RHOJ: variants seen among roughly 807,000 people sequenced by gnomAD.
The protein encoded by RHOJ is rho-related GTP-binding protein RhoJ.
Under a neutral mutation model 23.4 loss-of-function variants are expected in RHOJ, and 11 were observed. The ratio of observed to expected loss-of-function variants is 0.47; its 90% CI spans 0.30 to 0.78. The LOEUF (loss-of-function observed/expected upper bound fraction) is 0.78, where lower values mean the gene tolerates loss of function less well. Ranked by LOEUF, RHOJ falls within the 30% of genes least tolerant of loss-of-function variation. The pLI is 0.08. For missense variants in RHOJ, 254 were observed against 273.4 expected, an observed-to-expected ratio of 0.93 and a Z score of 0.50; for synonymous variants, 102 against 102.7, an observed-to-expected ratio of 0.99 and a Z score of 0.04.
chr14:63,213,176 T>G (rs937340490), intron 1 of RHOJ, among the ~76,000 whole-genome samples: 21 of 152,360 alleles, frequency 1.4e-4, no homozygotes, highest in Middle Eastern at 3.4e-3. Flanking sequence ...TGTGCAGGTT[T>G]GTTATCTGGG....
chr14:63,205,697 A>C (rs1468278387), intron 1 of RHOJ, among the ~76,000 whole-genome samples: 1 of 152,252 alleles, frequency 6.6e-6, no homozygotes, highest in Non-Finnish European at 1.5e-5. Context: ...GAATCACTTT[A>C]AAGTATGTCC....
At chr14:63,209,842 C>T (rs1894193924) in intron 1 of RHOJ, among the ~76,000 whole-genome samples, 1 of 151,878 alleles carries the variant, frequency 6.6e-6, no homozygotes, top group African/African-American at 2.4e-5. Flanking sequence ...AATGAACATA[C>T]AAAAATGTTT....
intron 1 of RHOJ, among the ~76,000 whole-genome samples, chr14:63,260,702 G>A (rs2139648637): frequency 6.6e-6 from 1 of 152,044 alleles, no homozygotes; most frequent in East Asian, 1.9e-4. Flanking sequence ...TTTTTAAAAG[G>A]TTCCATCTTA....
chr14:63,237,989 C>A lies in RHOJ; in HGVS notation c.179-31121C>A, dbSNP rs375323775. ...TGGTCCTTCAGCTGCCAAGCATTGG[C>A]AAGCTTCAGACCATATTCACCACAC... On this transcript the variant is annotated intron_variant, in intron 1 of 4. Transcript: ENST00000316754. Among the ~76,000 whole-genome samples the A allele has an allele frequency of 3.3e-4, 51 of 152,342 alleles. No homozygotes were observed. In the South Asian group the frequency reaches 0.011, roughly 32 times the overall value.
Position 63,283,159 on chromosome 14 carries a change from G to T in RHOJ, c.441G>T (p.Leu147Phe). 6.2e-7 allele frequency: 1 copy of T among 1,614,118 alleles called. No homozygotes were observed. Among genetic ancestry groups the T allele is most frequent in the Non-Finnish European group, 8.5e-7 (1 of 1,179,982 alleles). Residue 147 changes from leucine (L) to phenylalanine (F), a missense_variant, in exon 4 of 5, where the codon TTG becomes TTT. By Grantham distance (22) the Leu-to-Phe change is conservative. Transcript: ENST00000316754. ...ATGACCCAAAAACCTTGGCCCGTTT[G>T]CTGTATATGAAAGAGAAACCTCTCA... is the stretch of plus-strand genomic sequence containing the variant. ...LRDDPKTLARLLYMKEKPLTY... is the reference protein window; with the variant it reads ...LRDDPKTLARFLYMKEKPLTY...
chr14:63,241,735 A>G (rs1165642078), intron 1 of RHOJ, among the ~76,000 whole-genome samples: 2 of 152,212 alleles, frequency 1.3e-5, no homozygotes, highest in African/African-American at 4.8e-5. Flanking sequence ...GCAAAGCCCC[A>G]TCGGCACTGG....
At position 63,292,947 on chromosome 14, in the gene RHOJ, CA is replaced by C. The variant is rs1463438099; in HGVS notation, c.*1939del. On this transcript the variant is annotated 3_prime_UTR_variant, in exon 5 of 5. Transcript: ENST00000316754. ...CCTGAGTGACAGAGAAAGAACCTGT[CA>C]AAAAAAAAAAAAAAACAACCTACAT... 2.6e-3 allele frequency: 234 copies of C among 91,464 alleles called. 1 individual carries two copies. The highest frequency in any genetic ancestry group is 5.0e-3 in the East Asian group (15 of 3,018). The allele number at this position is 91,464 out of a possible 1,614,324, so 5.7% of individuals were successfully genotyped here. A position where few individuals can be genotyped will look rare whatever the true frequency, so the allele number is the denominator to read the frequency against.
intron 1 of RHOJ, among the ~76,000 whole-genome samples, chr14:63,219,441 A>G (rs1894436154): frequency 6.6e-6 from 1 of 152,130 alleles, no homozygotes; most frequent in Non-Finnish European, 1.5e-5. Flanking sequence ...TAATCAAGAA[A>G]AATTGTTTTT....
intron 1 of RHOJ, among the ~76,000 whole-genome samples, chr14:63,239,008 A>G (rs569653825): frequency 6.6e-6 from 1 of 152,316 alleles, no homozygotes; most frequent in Non-Finnish European, 1.5e-5. Context: ...CTAGGCTGGA[A>G]AGTGGGGGCC....
At chr14:63,272,358 CA>C (rs1193359241) in intron 2 of RHOJ, among the ~76,000 whole-genome samples, 1 of 152,168 alleles carries the variant, frequency 6.6e-6, no homozygotes, top group Non-Finnish European at 1.5e-5. Flanking sequence ...TCAAAATATT[CA>C]TTTGGTCAAT....
At chr14:63,289,118 AC>A (rs1288020633) in intron 4 of RHOJ, among the ~76,000 whole-genome samples, 4 of 152,236 alleles carry the variant, frequency 2.6e-5, no homozygotes, top group Non-Finnish European at 5.9e-5. Flanking sequence ...CTTAGTCCAC[AC>A]ATTGCAAACT....
Position 63,281,171 on chromosome 14 carries a change from G to A in RHOJ, c.402+36G>A, listed in dbSNP as rs745339649. On this transcript the variant is annotated intron_variant, in intron 3 of 4. Transcript: ENST00000316754. ...GGGCGATGGCAGGGTGGAGCGGGCTGCAAAAATGGGAAGACCCTTTAGGTA... is the reference window on the plus strand; with the variant it reads ...GGGCGATGGCAGGGTGGAGCGGGCTACAAAAATGGGAAGACCCTTTAGGTA... The A allele has an allele frequency of 7.0e-6, 11 of 1,561,798 alleles. No homozygotes were observed. The African/African-American group carries it at 1.4e-4, about 19-fold the overall frequency.
intron 1 of RHOJ, among the ~76,000 whole-genome samples, chr14:63,241,535 A>G (rs1594761743): frequency 6.6e-6 from 1 of 152,186 alleles, no homozygotes; most frequent in African/African-American, 2.4e-5. Context: ...AAGCAAGTAC[A>G]AGCAAAAGAC....
At chr14:63,282,320 ACAC>A (rs1881937200) in intron 3 of RHOJ, among the ~76,000 whole-genome samples, 1 of 148,272 alleles carries the variant, frequency 6.7e-6, no homozygotes, top group African/African-American at 2.5e-5. Flanking sequence ...ACACACACAC[ACAC>A]AATTAGTAGA....
At chr14:63,241,604 T>C (rs1392010150) in intron 1 of RHOJ, among the ~76,000 whole-genome samples, 3 of 152,130 alleles carry the variant, frequency 2.0e-5, no homozygotes, top group Non-Finnish European at 4.4e-5. Context: ...GGAACATCAA[T>C]ATCCAGTTAA....
chr14:63,219,848 C>G (rs1296079120), intron 1 of RHOJ, among the ~76,000 whole-genome samples: 1 of 151,924 alleles, frequency 6.6e-6, no homozygotes, highest in Admixed American at 6.6e-5. Context: ...TTTCCTCCCC[C>G]TCTGTAGTAT....
At chr14:63,269,550 C>T (rs1475171821) in intron 2 of RHOJ, among the ~76,000 whole-genome samples, 3 of 151,982 alleles carry the variant, frequency 2.0e-5, no homozygotes, top group Admixed American at 6.6e-5. Context: ...TCTTTGCCCA[C>T]GCTTTATTTG....
At position 63,281,132 on chromosome 14, in the gene RHOJ, C is replaced by A; in HGVS notation, c.399C>A (p.Thr133=). ...MPHVPYVLIG[T]QIDLRDDPKT... ...ACGTGCCTTATGTCCTCATAGGGAC[C>A]CAGGTTAAAATGTGGGCGATGGCAG... is the stretch of plus-strand genomic sequence containing the variant. The change falls in exon 3 of 5, where the codon ACC becomes ACA. Residue 133 remains threonine (T), a synonymous_variant. Coordinates refer to ENST00000316754, the MANE Select transcript of RHOJ (RefSeq NM_020663.5). 6.2e-7 allele frequency: 1 copy of A among 1,606,940 alleles called. No homozygotes were observed. Among genetic ancestry groups the A allele is most frequent in the East Asian group, 2.2e-5 (1 of 44,710 alleles).
At chr14:63,284,175 G>A in intron 4 of RHOJ, 2 of 959,966 alleles carry the variant, frequency 2.1e-6, no homozygotes, top group Non-Finnish European at 2.5e-6. Context: ...TTACAAAATT[G>A]TATGCATTTA....
Sources: allele counts gnomAD v4.1 joint callset (sites outside exome capture counted in the v4.1 genomes callset), GRCh38; gene constraint gnomAD v4.1.1; transcripts MANE v1.5; gene names NCBI Gene and HGNC (gene_info 2026-07-23, HGNC 2026-07-21).